AMTN: variants seen among roughly 807,000 people sequenced by gnomAD.
AMTN encodes RSTI689.
In AMTN, 29 loss-of-function variants were observed where a neutral mutation model predicts 27.4. The observed-to-expected ratio is 1.06, with a 90% CI of 0.79 to 1.44. The LOEUF is 1.44. Ranked by LOEUF, AMTN falls within the 40% of genes most tolerant of loss-of-function variation. The probability of loss-of-function intolerance (pLI) is 0.00; values close to 1 mark genes in which losing one functional copy is unlikely to be tolerated. For synonymous variants in AMTN, 86 were observed against 95.7 expected (o/e 0.90, Z 0.59); for missense variants, 247 against 248.8 (o/e 0.99, Z 0.05).
intron 2 of AMTN, among the ~76,000 whole-genome samples, chr4:70,520,188 G>A (rs1380901279): frequency 6.6e-6 from 1 of 152,216 alleles, no homozygotes; most frequent in African/African-American, 2.4e-5. Context: ...CAGGCCGGCT[G>A]TGCAGGCCAC....
chr4:70,524,723 G>T, intron 4 of AMTN, 149 bp from the exon 5 acceptor site: 1 of 724,114 alleles, frequency 1.4e-6, no homozygotes, highest in Non-Finnish European at 2.4e-6. Context: ...TTTCATCTTT[G>T]TGTCTAAGTA....
chr4:70,523,797 A>C (rs1442066040), intron 3 of AMTN, 71 bp from the exon 4 acceptor site: 5 of 1,314,822 alleles, frequency 3.8e-6, no homozygotes, highest in Non-Finnish European at 4.4e-6. Flanking sequence ...TTACATGAGG[A>C]TATCCACCAC....
At chr4:70,524,756 AT>A (rs1736059193) in intron 4 of AMTN, 115 bp from the exon 5 acceptor site, 7 of 942,004 alleles carry the variant, frequency 7.4e-6, no homozygotes, top group Non-Finnish European at 1.2e-5. Context: ...AACACTATGT[AT>A]TTACATAGCA....
chr4:70,519,480 A>C (rs891836894), intron 2 of AMTN, among the ~76,000 whole-genome samples: 1 of 151,158 alleles, frequency 6.6e-6, no homozygotes, highest in Non-Finnish European at 1.5e-5. Flanking sequence ...TTAAGAAAAA[A>C]ATTACAATAT....
At chr4:70,520,618 T>C (rs761575187) in intron 2 of AMTN, among the ~76,000 whole-genome samples, 2 of 152,222 alleles carry the variant, frequency 1.3e-5, no homozygotes, top group Non-Finnish European at 2.9e-5. Context: ...AGATGGATCA[T>C]TGAATAAACC....
At chr4:70,519,385 A>G (rs1441756458) in intron 2 of AMTN, among the ~76,000 whole-genome samples, 2 of 152,138 alleles carry the variant, frequency 1.3e-5, no homozygotes, top group Non-Finnish European at 2.9e-5. Flanking sequence ...TCCAACATTT[A>G]CTCCATTATT....
chr4:70,523,919 C>A lies in AMTN; in HGVS notation c.190C>A (p.Pro64Thr). ...ATTAACACAGATGCTCACACTGGGGCCAGATCTGCATCTGGTAAGTGATTG... is the reference window on the plus strand; with the variant it reads ...ATTAACACAGATGCTCACACTGGGGACAGATCTGCATCTGGTAAGTGATTG... ...IPLTQMLTLGPDLHLLNPAAG... is the reference protein window; with the variant it reads ...IPLTQMLTLGTDLHLLNPAAG... The change falls in exon 4 of 9, where the codon CCA becomes ACA. Residue 64 changes from proline to threonine, a missense_variant. Pro to Thr is a conservative substitution (Grantham distance 38, BLOSUM62 -1). Coordinates refer to ENST00000339336, the MANE Select transcript of AMTN (RefSeq NM_212557.4). The A allele has an allele frequency of 6.2e-7, 1 of 1,613,122 alleles. No homozygotes were observed.
intron 8 of AMTN, 90 bp downstream of exon 8, chr4:70,531,390 T>C (rs1736221144): frequency 1.3e-6 from 2 of 1,516,084 alleles, no homozygotes; most frequent in Non-Finnish European, 1.8e-6. Flanking sequence ...CCTTGACAAA[T>C]GCAGATCTTA....
chr4:70,521,559 A>G (rs1433561705), intron 2 of AMTN, among the ~76,000 whole-genome samples: 1 of 145,710 alleles, frequency 6.9e-6, no homozygotes, highest in African/African-American at 2.5e-5. Flanking sequence ...TATATATTAT[A>G]TATATGTATT....
At chr4:70,521,724 A>G (rs1376880668) in intron 2 of AMTN, among the ~76,000 whole-genome samples, 4 of 119,872 alleles carry the variant, frequency 3.3e-5, no homozygotes, top group South Asian at 2.8e-4. Context: ...GGTTCAAGTG[A>G]TTCTCCTTCC....
At chr4:70,521,005 G>A (rs889323213) in intron 2 of AMTN, among the ~76,000 whole-genome samples, 4 of 152,118 alleles carry the variant, frequency 2.6e-5, no homozygotes, top group Non-Finnish European at 4.4e-5. Context: ...GGGGAAATGA[G>A]GTAGGAAAGA....
intron 8 of AMTN, among the ~76,000 whole-genome samples, chr4:70,531,947 T>C (rs1000712696): frequency 2.0e-5 from 3 of 152,250 alleles, no homozygotes; most frequent in Admixed American, 2.0e-4. Context: ...TGAGCCGCCA[T>C]GACTGGCCTG....
chr4:70,523,003 A>G (rs1241324635), intron 3 of AMTN, among the ~76,000 whole-genome samples, 165 bp downstream of exon 3: 1 of 152,252 alleles, frequency 6.6e-6, no homozygotes, highest in Non-Finnish European at 1.5e-5. Context: ...GGGAGTGGGG[A>G]AAAGAACCGA....
chr4:70,525,789 A>G (rs1736088923), intron 5 of AMTN, among the ~76,000 whole-genome samples: 1 of 151,988 alleles, frequency 6.6e-6, no homozygotes, highest in East Asian at 1.9e-4. Context: ...AGTCCCAAGT[A>G]CTCGGGAGGC....
At chr4:70,522,645 C>A in intron 2 of AMTN, 110 bp from the exon 3 acceptor site, 2 of 1,029,786 alleles carry the variant, frequency 1.9e-6, no homozygotes, top group Non-Finnish European at 3.0e-6. Flanking sequence ...CTAAAATACA[C>A]AAAGCCTAAA....
intron 6 of AMTN, 36 bp from the exon 7 acceptor site, chr4:70,529,148 G>A (rs1179987303): frequency 2.0e-6 from 3 of 1,511,316 alleles, no homozygotes; most frequent in Non-Finnish European, 1.8e-6. Context: ...ACATTAAAAT[G>A]TGTCTAACAA....
chr4:70,521,916 G>T (rs1347692216), intron 2 of AMTN, among the ~76,000 whole-genome samples: 1 of 152,068 alleles, frequency 6.6e-6, no homozygotes, highest in East Asian at 1.9e-4. Context: ...GAGCCACCGT[G>T]CCCAGCCCCA....
chr4:70,525,188 T>A (rs1456054039), intron 5 of AMTN, among the ~76,000 whole-genome samples: 1 of 152,162 alleles, frequency 6.6e-6, no homozygotes, highest in African/African-American at 2.4e-5. Flanking sequence ...CTAGAATATA[T>A]GTTTAATGGA....
intron 8 of AMTN, 103 bp downstream of exon 8, chr4:70,531,403 A>C: frequency 1.4e-6 from 2 of 1,444,770 alleles, no homozygotes; most frequent in Non-Finnish European, 1.9e-6. Context: ...AGATCTTAGT[A>C]AGATTAGGAA....
Sources: allele counts gnomAD v4.1 joint callset (sites outside exome capture counted in the v4.1 genomes callset), GRCh38; gene constraint gnomAD v4.1.1; transcripts MANE v1.5; gene names NCBI Gene and HGNC (gene_info 2026-07-23, HGNC 2026-07-21).